PRKN: variants seen among roughly 807,000 people sequenced by gnomAD.
PRKN encodes the protein parkin RBR E3 ubiquitin protein ligase, also known as E3 ubiquitin-protein ligase parkin.
PRKN carries 56 observed loss-of-function variants against 59.5 expected under a neutral mutation model. The ratio of observed to expected loss-of-function variants is 0.94; its 90% CI spans 0.76 to 1.18. The LOEUF (loss-of-function observed/expected upper bound fraction) is 1.18. Ranked by LOEUF, PRKN falls within the 50% of genes most tolerant of loss-of-function variation. PRKN has a pLI of 0.00. For synonymous variants in PRKN, 250 were observed against 222.1 expected (o/e 1.13, Z -1.12); for missense variants, 657 against 596.4 (o/e 1.10, Z -1.06).
intron 9 of PRKN, among the ~76,000 whole-genome samples, chr6:161,515,914 C>G (rs1363347701): frequency 6.6e-6 from 1 of 152,114 alleles, no homozygotes; most frequent in Non-Finnish European, 1.5e-5. Context: ...AATTAATAAC[C>G]TGATAATTTC....
chr6:161,696,819 T>C (rs761810194), intron 7 of PRKN, among the ~76,000 whole-genome samples: 2 of 152,218 alleles, frequency 1.3e-5, no homozygotes, highest in Non-Finnish European at 2.9e-5. Context: ...TGTGATTTTA[T>C]TGTAAAAAAT....
Position 161,405,703 on chromosome 6 carries a change from G to C in PRKN, c.1084-18826C>G, listed in dbSNP as rs1422506539. Among the ~76,000 whole-genome samples, 1 of 151,964 alleles carries C rather than the reference G, an allele frequency of 6.6e-6. No homozygotes were observed. The highest frequency in any genetic ancestry group is 1.5e-5 in the Non-Finnish European group (1 of 68,008). On this transcript the variant is annotated intron_variant, in intron 9 of 11. Transcript: ENST00000366898. The surrounding 1 kb of genome is among the most constrained non-coding windows in gnomAD (Gnocchi z 5.1). ...GGCCAGCTTCCAGGAGAAAGGGAAGGGAAACTGAGGGTCCATGAGTGCTCA... is the reference window on the plus strand; with the variant it reads ...GGCCAGCTTCCAGGAGAAAGGGAAGCGAAACTGAGGGTCCATGAGTGCTCA...
At chr6:161,852,677 T>G (rs1218546532) in intron 6 of PRKN, among the ~76,000 whole-genome samples, 1 of 152,186 alleles carries the variant, frequency 6.6e-6, no homozygotes, top group Non-Finnish European at 1.5e-5. Context: ...GCAACTGAGC[T>G]TTTTTGAAGA....
At chr6:161,643,767 C>T (rs997840827) in intron 7 of PRKN, among the ~76,000 whole-genome samples, 9 of 152,136 alleles carry the variant, frequency 5.9e-5, no homozygotes, top group African/African-American at 2.2e-4. Context: ...TCTCGACCCA[C>T]TTTTTACTAC....
intron 1 of PRKN, among the ~76,000 whole-genome samples, chr6:162,494,554 T>A (rs533135204): frequency 1.3e-5 from 2 of 152,188 alleles, no homozygotes; most frequent in African/African-American, 4.8e-5. Context: ...GCCCTCACAA[T>A]TGCAGAAGGT....
At chr6:162,692,735 G>C (rs1676931231) in intron 1 of PRKN, among the ~76,000 whole-genome samples, 1 of 152,168 alleles carries the variant, frequency 6.6e-6, no homozygotes, top group Non-Finnish European at 1.5e-5. Flanking sequence ...CCCTGACTCT[G>C]TTCTATGTCC....
At chr6:161,519,657 T>C (rs1253055191) in intron 9 of PRKN, among the ~76,000 whole-genome samples, 3 of 152,214 alleles carry the variant, frequency 2.0e-5, no homozygotes, top group South Asian at 2.1e-4. Flanking sequence ...AGCTTATCTG[T>C]TACGTATTTC....
chr6:161,477,552 A>G (rs1387781423), intron 9 of PRKN, among the ~76,000 whole-genome samples: 1 of 152,010 alleles, frequency 6.6e-6, no homozygotes, highest in Admixed American at 6.6e-5. Context: ...CCTTAGGATA[A>G]GGTTAATGAA....
chr6:161,503,206 T>C lies in PRKN; in HGVS notation c.1083+45648A>G, dbSNP rs952594343. On this transcript the variant is annotated intron_variant, in intron 9 of 11. Coordinates refer to ENST00000366898, the MANE Select transcript of PRKN (RefSeq NM_004562.3). This position sits in a 1 kb window ranked among gnomAD's most constrained non-coding sequence, Gnocchi z 5.1. ...AAGGCCTGGGTGCTACTTGTAATAC[T>C]AGATTGACTAAAAGGAGGGTAGAAC... 3.9e-5 allele frequency among the ~76,000 whole-genome samples: 6 copies of C among 152,114 alleles called. No individual in the cohort carries two copies. Among genetic ancestry groups the C allele is most frequent in the Admixed American group, 2.0e-4 (3 of 15,280 alleles).
intron 4 of PRKN, among the ~76,000 whole-genome samples, chr6:162,083,335 A>C (rs769941105): frequency 3.9e-5 from 6 of 152,134 alleles, no homozygotes; most frequent in Non-Finnish European, 7.3e-5. Flanking sequence ...TGAGACATGA[A>C]GTGGGCACAT....
chr6:162,366,382 A>T (rs894302050), intron 2 of PRKN, among the ~76,000 whole-genome samples: 5 of 152,192 alleles, frequency 3.3e-5, no homozygotes, highest in Non-Finnish European at 5.9e-5. Flanking sequence ...ATTTATTATT[A>T]TATGTGGCAT....
intron 6 of PRKN, among the ~76,000 whole-genome samples, chr6:161,895,584 G>T (rs1777590917): frequency 2.7e-5 from 3 of 111,644 alleles, no homozygotes; most frequent in East Asian, 3.1e-4. Flanking sequence ...ACACCCCAGT[G>T]AGGCTTCTGA....
At chr6:162,065,021 A>G (rs973892480) in intron 4 of PRKN, among the ~76,000 whole-genome samples, 5 of 152,244 alleles carry the variant, frequency 3.3e-5, no homozygotes, top group Non-Finnish European at 7.3e-5. Context: ...AATATGGTTG[A>G]ATCAAATTGT....
At chr6:161,919,213 G>T (rs1288846291) in intron 6 of PRKN, among the ~76,000 whole-genome samples, 1 of 152,036 alleles carries the variant, frequency 6.6e-6, no homozygotes, top group Non-Finnish European at 1.5e-5. Flanking sequence ...ATAACTTTGA[G>T]AAAAATCTCA....
rs1381579880 is a variant in PRKN at position 162,201,261 on chromosome 6, G to C, written c.413-9C>G. Reference sequence around the variant, plus strand: ...GTAGATTGATCTACCTGCTGGAGAAGAAAAAGCAGAAGAAGTGGCTAATAA... The same window carrying C: ...GTAGATTGATCTACCTGCTGGAGAACAAAAAGCAGAAGAAGTGGCTAATAA... On this transcript the variant is annotated splice_polypyrimidine_tract_variant and intron_variant, in intron 3 of 11. Coordinates refer to ENST00000366898, the MANE Select transcript of PRKN (RefSeq NM_004562.3). The C allele has an allele frequency of 6.2e-7, 1 of 1,613,484 alleles. No homozygotes were observed. Among genetic ancestry groups the C allele is most frequent in the Non-Finnish European group, 8.5e-7 (1 of 1,179,562 alleles).
chr6:161,514,785 T>A (rs1778524668), intron 9 of PRKN, among the ~76,000 whole-genome samples: 1 of 152,104 alleles, frequency 6.6e-6, no homozygotes, highest in South Asian at 2.1e-4. Flanking sequence ...GGGCTCTGGT[T>A]CCAGGAGGAC....
At chr6:161,630,298 C>T (rs900985276) in intron 7 of PRKN, among the ~76,000 whole-genome samples, 3 of 152,062 alleles carry the variant, frequency 2.0e-5, no homozygotes, top group East Asian at 1.9e-4. Flanking sequence ...AGTTTGAAAA[C>T]GTGGCCAATC....
At chr6:161,757,916 C>T (rs1562660532) in intron 7 of PRKN, among the ~76,000 whole-genome samples, 3 of 127,314 alleles carry the variant, frequency 2.4e-5, no homozygotes, top group Non-Finnish European at 4.9e-5. Context: ...CACACACACA[C>T]ACACATCTCT....
chr6:161,653,132 G>T (rs947450070), intron 7 of PRKN, among the ~76,000 whole-genome samples: 1 of 152,152 alleles, frequency 6.6e-6, no homozygotes, highest in Non-Finnish European at 1.5e-5. Context: ...GGGAGGCCGA[G>T]GTGGGTGGAT....
Sources: gnomAD v4.1 joint callset for allele counts (sites outside exome capture counted in the v4.1 genomes callset) on GRCh38, gnomAD v4.1.1 for gene constraint, Gnocchi (gnomAD v3.1) non-coding constraint, MANE v1.5 for transcripts, NCBI Gene and HGNC (gene_info 2026-07-23, HGNC 2026-07-21) for gene names.